Variants in CCDC85A observed in about 807,000 individuals in gnomAD.
CCDC85A encodes the protein coiled-coil domain containing 85A, also known as coiled-coil domain-containing protein 85A.
A neutral mutation model predicts 50.2 loss-of-function variants in CCDC85A; 38 were observed. That is an observed-to-expected ratio of 0.76 (90% confidence interval 0.58 to 0.99). The LOEUF (loss-of-function observed/expected upper bound fraction) is 0.99, where lower values mean the gene tolerates loss of function less well. Among genes scored for constraint, CCDC85A ranks in the 50% least tolerant of loss-of-function variants. The pLI, the probability that CCDC85A is intolerant of heterozygous loss-of-function variation, is 0.00. For synonymous variants in CCDC85A, 366 were observed against 301.4 expected (o/e 1.21, Z -2.22); for missense variants, 820 against 742.0 (o/e 1.11, Z -1.22).
intron 2 of CCDC85A, among the ~76,000 whole-genome samples, chr2:56,197,748 C>T (rs1319296523): frequency 1.3e-5 from 2 of 152,208 alleles, no homozygotes; most frequent in Non-Finnish European, 2.9e-5. Flanking sequence ...TACCGTAAAA[C>T]TTCACTCCAT....
intron 2 of CCDC85A, among the ~76,000 whole-genome samples, chr2:56,275,130 C>CA (rs1553403448): frequency 1.3e-5 from 2 of 151,712 alleles, no homozygotes; most frequent in African/African-American, 4.8e-5. Flanking sequence ...TAGTGGGGGT[C>CA]GGGGGGGAAT....
intron 2 of CCDC85A, among the ~76,000 whole-genome samples, chr2:56,231,749 G>C (rs2103938718): frequency 6.6e-6 from 1 of 152,146 alleles, no homozygotes; most frequent in South Asian, 2.1e-4. Context: ...ATTATTGTAG[G>C]AAAAAGATCC....
At chr2:56,232,435 C>T (rs1440828822) in intron 2 of CCDC85A, among the ~76,000 whole-genome samples, 1 of 152,098 alleles carries the variant, frequency 6.6e-6, no homozygotes, top group Non-Finnish European at 1.5e-5. Context: ...GTAATAATTC[C>T]CAAGTATCAA....
rs376573077 is a variant in CCDC85A, at chr2:56,206,993, G to T, written c.1240+13553G>T. Among the ~76,000 whole-genome samples, 14 of 152,212 alleles carry T rather than the reference G, an allele frequency of 9.2e-5. No individual in the cohort carries two copies. In the East Asian group the frequency reaches 1.9e-3, roughly 21 times the overall value. On this transcript the variant is annotated intron_variant, in intron 2 of 5. Transcript: ENST00000407595. Reference sequence around the variant, plus strand: ...TTTTTGGGGAAAATAGGACCTAGTTGCCTGGGAGGCAGAAATATTCTAAAT... The same window carrying T: ...TTTTTGGGGAAAATAGGACCTAGTTTCCTGGGAGGCAGAAATATTCTAAAT...
chr2:56,339,086 T>C (rs1364594245), intron 2 of CCDC85A, among the ~76,000 whole-genome samples: 1 of 152,194 alleles, frequency 6.6e-6, no homozygotes, highest in African/African-American at 2.4e-5. Context: ...TAATAGGGAA[T>C]GTGTGTTCTG....
intron 2 of CCDC85A, among the ~76,000 whole-genome samples, chr2:56,252,865 G>A (rs1669827475): frequency 6.6e-6 from 1 of 151,908 alleles, no homozygotes. Context: ...CCCTGCAAAG[G>A]ACATGAATTC....
chr2:56,350,342 G>A (rs2104341746), intron 3 of CCDC85A, among the ~76,000 whole-genome samples: 1 of 152,080 alleles, frequency 6.6e-6, no homozygotes, highest in Middle Eastern at 3.4e-3. Flanking sequence ...AGGCCGAGGT[G>A]GGCGGATCAC....
At chr2:56,204,132 G>A (rs1035665969) in intron 2 of CCDC85A, among the ~76,000 whole-genome samples, 5 of 152,176 alleles carry the variant, frequency 3.3e-5, no homozygotes, top group Non-Finnish European at 7.3e-5. Flanking sequence ...ACCTGGAATT[G>A]CCAACTTTTT....
chr2:56,334,681 T>C, intron 2 of CCDC85A, among the ~76,000 whole-genome samples: 1 of 152,216 alleles, frequency 6.6e-6, no homozygotes, highest in East Asian at 1.9e-4. Flanking sequence ...CACATTATGG[T>C]ACAAAGCAGT....
chr2:56,367,134 G>A (rs1036193361), intron 3 of CCDC85A, among the ~76,000 whole-genome samples: 3 of 151,972 alleles, frequency 2.0e-5, no homozygotes, highest in Non-Finnish European at 4.4e-5. Context: ...TCTCTATGTG[G>A]GACTGGTGTC....
At chr2:56,227,252 T>C (rs1161767534) in intron 2 of CCDC85A, among the ~76,000 whole-genome samples, 1 of 152,226 alleles carries the variant, frequency 6.6e-6, no homozygotes, top group Non-Finnish European at 1.5e-5. Context: ...GTAATCAAGA[T>C]ATCCTGTTTC....
chr2:56,185,035 C>G, intron 1 of CCDC85A, 135 bp downstream of exon 1: 1 of 1,070,554 alleles, frequency 9.3e-7, no homozygotes, highest in Non-Finnish European at 1.3e-6. Context: ...ACCCCCTACC[C>G]CCAGTCCCCA....
chr2:56,369,659 C>T (rs998966343), intron 3 of CCDC85A, among the ~76,000 whole-genome samples: 5 of 152,050 alleles, frequency 3.3e-5, no homozygotes, highest in African/African-American at 4.8e-5. Context: ...ACAAATAGTT[C>T]TTGGGGACTT....
In CCDC85A at chr2:56,193,232, TGGG is replaced by T; in HGVS notation, c.1036_1038del (p.Gly346del). The T allele has an allele frequency of 6.2e-7, 1 of 1,612,594 alleles. No individual in the cohort carries two copies. On this transcript the variant is annotated inframe_deletion, in exon 2 of 6. Coordinates refer to ENST00000407595, the MANE Select transcript of CCDC85A (RefSeq NM_001080433.2). ...CGGAGCATCTTCAGAAACACGCTCT[TGGG>T]GGGAGCCTAGAGCATCTCCCCAGAG...
At chr2:56,244,353 G>A (rs1335538915) in intron 2 of CCDC85A, among the ~76,000 whole-genome samples, 1 of 151,838 alleles carries the variant, frequency 6.6e-6, no homozygotes, top group Non-Finnish European at 1.5e-5. Flanking sequence ...CACCACTGCA[G>A]GCCCGTGGGA....
chr2:56,289,008 A>G (rs1671580626), intron 2 of CCDC85A, among the ~76,000 whole-genome samples: 1 of 152,192 alleles, frequency 6.6e-6, no homozygotes, highest in South Asian at 2.1e-4. Context: ...ATGTAAGCAG[A>G]GGTGGCCTAA....
chr2:56,344,143 C>A (rs1402204444), intron 3 of CCDC85A, among the ~76,000 whole-genome samples: 1 of 152,098 alleles, frequency 6.6e-6, no homozygotes, highest in Non-Finnish European at 1.5e-5. Context: ...TAGTACCAAA[C>A]CCTACAATAC....
At chr2:56,224,279 T>A (rs1297705485) in intron 2 of CCDC85A, among the ~76,000 whole-genome samples, 1 of 152,212 alleles carries the variant, frequency 6.6e-6, no homozygotes, top group East Asian at 1.9e-4. Flanking sequence ...TTATTCATCT[T>A]TAGCATGCAT....
intron 3 of CCDC85A, among the ~76,000 whole-genome samples, 175 bp from the exon 4 acceptor site, chr2:56,372,169 G>A (rs913181017): frequency 3.9e-5 from 6 of 152,178 alleles, no homozygotes; most frequent in Non-Finnish European, 7.3e-5. Flanking sequence ...GGTCTAATAT[G>A]TAGGACTTCA....
Sources: allele counts gnomAD v4.1 joint callset (sites outside exome capture counted in the v4.1 genomes callset), GRCh38; gene constraint gnomAD v4.1.1; transcripts MANE v1.5; gene names NCBI Gene and HGNC (gene_info 2026-07-23, HGNC 2026-07-21).